Variants in LONP1 observed in about 807,000 individuals in gnomAD.
LONP1 encodes the protein lon protease homolog, mitochondrial.
In LONP1, 31 loss-of-function variants were observed where a neutral mutation model predicts 98.5. The ratio of observed to expected loss-of-function variants is 0.31; its 90% CI spans 0.24 to 0.42. LONP1 has a LOEUF of 0.42. Ranked by LOEUF, LONP1 falls within the 20% of genes least tolerant of loss-of-function variation. The pLI is 1.00. For synonymous variants in LONP1, 781 were observed against 594.7 expected (o/e 1.31, Z -4.56); for missense variants, 1,336 against 1,350.6 (o/e 0.99, Z 0.17).
At chr19:5,716,449 G>A (rs2055324981) in intron 1 of LONP1, among the ~76,000 whole-genome samples, 2 of 150,836 alleles carry the variant, frequency 1.3e-5, no homozygotes, top group Admixed American at 6.6e-5. Context: ...ACATGATGCC[G>A]ATGCTGCTGG....
rs773964490 is a variant in LONP1 at position 5,694,477 on chromosome 19, C to A, written c.2230G>T (p.Asp744Tyr). The stretch of plus-strand genomic sequence containing the variant: ...GTGAACACGGGCTTCCCCACGAAGT[C>A]CTGCAGGTTCTCGGGCGTCACCTCC... ...SVEVTPENLQ[D>Y]FVGKPVFTVE... is the part of the protein sequence containing the mutation. The change falls in exon 15 of 18, where the codon GAC (aspartate) becomes TAC (tyrosine). Residue 744 changes from aspartate (D) to tyrosine (Y), a missense_variant. Asp to Tyr is a radical substitution (Grantham distance 160). Around this residue, in one of 5 missense-constraint regions of LONP1, gnomAD observed 555 missense variants for 542.6 expected, o/e 1.02. Coordinates refer to ENST00000360614, the MANE Select transcript of LONP1 (RefSeq NM_004793.4). The A allele has an allele frequency of 6.2e-7, 1 of 1,613,454 alleles. No individual in the cohort carries two copies. The highest frequency in any genetic ancestry group is 2.2e-5 in the East Asian group (1 of 44,886).
Position 5,696,666 on chromosome 19 carries a change from G to A in LONP1, c.1773+4C>T, listed in dbSNP as rs370718882. On this transcript the variant is annotated splice_donor_region_variant and intron_variant, in intron 11 of 17. Transcript: ENST00000360614. ...AGGGGGTCTCCGGGCCTCTCCGCAC[G>A]CACCTCGTCGATGAGGATCAGGGGG... 1.1e-5 allele frequency: 17 copies of A among 1,612,622 alleles called. No homozygotes were observed. Among genetic ancestry groups the A allele is most frequent in the Middle Eastern group, 1.6e-4 (1 of 6,082 alleles).
At chr19:5,711,432 G>A (rs2055235192) in intron 4 of LONP1, among the ~76,000 whole-genome samples, 1 of 152,202 alleles carries the variant, frequency 6.6e-6, no homozygotes, top group African/African-American at 2.4e-5. Flanking sequence ...TCCCAGGCTT[G>A]GTGGGAAGAA....
chr19:5,700,720 A>AC, intron 9 of LONP1, 69 bp downstream of exon 9: 1 of 1,587,610 alleles, frequency 6.3e-7, no homozygotes, highest in Non-Finnish European at 8.6e-7. Context: ...ATCTCAACCC[A>AC]CAGCACACAA....
chr19:5,693,321 C>G lies in LONP1; in HGVS notation c.2680G>C (p.Gly894Arg). ...SLTGKILPVG[G>R]IKEKTIAAKR... Reference sequence around the variant, plus strand: ...ACCGCAATGGTCTTCTCCTTGATGCCACCAACAGGCAGGATCTTGCCCGTG... The same window carrying G: ...ACCGCAATGGTCTTCTCCTTGATGCGACCAACAGGCAGGATCTTGCCCGTG... The change falls in exon 17 of 18, where the codon GGC becomes CGC. Residue 894 changes from glycine (G) to arginine (R), a missense_variant. Around this residue, in one of 5 missense-constraint regions of LONP1, gnomAD observed 555 missense variants for 542.6 expected, o/e 1.02. Transcript: ENST00000360614. The G allele has an allele frequency of 6.2e-7, 1 of 1,612,668 alleles. No homozygotes were observed.
intron 10 of LONP1, among the ~76,000 whole-genome samples, chr19:5,698,328 G>A (rs1220744975): frequency 1.3e-5 from 2 of 152,212 alleles, no homozygotes; most frequent in Non-Finnish European, 1.5e-5. Context: ...TGCCTTGCAG[G>A]ATGGAAACAC....
chr19:5,713,337 GA>G (rs1318910706), intron 2 of LONP1, 84 bp from the exon 3 acceptor site: 24 of 1,214,920 alleles, frequency 2.0e-5, no homozygotes, highest in Non-Finnish European at 2.7e-5. Flanking sequence ...AGGAGGGAGA[GA>G]AAAGAAACGC....
At chr19:5,700,647 T>A in intron 9 of LONP1, 142 bp downstream of exon 9, 1 of 1,173,622 alleles carries the variant, frequency 8.5e-7, no homozygotes. Flanking sequence ...GGATGCTACC[T>A]CCGCCGGGAT....
intron 8 of LONP1, among the ~76,000 whole-genome samples, chr19:5,703,589 C>T (rs1250534651): frequency 1.3e-5 from 2 of 151,762 alleles, no homozygotes; most frequent in Middle Eastern, 3.2e-3. Flanking sequence ...GGCGGCCCCA[C>T]GAGCAGACAC....
intron 8 of LONP1, among the ~76,000 whole-genome samples, 163 bp from the exon 9 acceptor site, chr19:5,701,090 G>C (rs1238822021): frequency 6.6e-6 from 1 of 152,178 alleles, no homozygotes; most frequent in Non-Finnish European, 1.5e-5. Flanking sequence ...CAGGTGGGAG[G>C]ATCACTTGAG....
Position 5,693,400 on chromosome 19 carries a change from C to G in LONP1, c.2601G>C (p.Leu867=). The change falls in exon 17 of 18, where the codon CTG becomes CTC. Residue 867 remains leucine, a synonymous_variant. Coordinates refer to ENST00000360614, the MANE Select transcript of LONP1 (RefSeq NM_004793.4). ...TCTGCCGGACAGGCCTGCCCATGGCCAGGGACAGCAGGGCCGTGACGATGG... is the reference window on the plus strand; with the variant it reads ...TCTGCCGGACAGGCCTGCCCATGGCGAGGGACAGCAGGGCCGTGACGATGG... ...GCTIVTALLS[L]AMGRPVRQNL... is the part of the protein sequence containing the mutation. The G allele has an allele frequency of 6.2e-7, 1 of 1,613,000 alleles. No homozygotes were observed. Among genetic ancestry groups the G allele is most frequent in the South Asian group, 1.1e-5 (1 of 91,078 alleles).
At chr19:5,710,943 T>C (rs2145621655) in intron 4 of LONP1, among the ~76,000 whole-genome samples, 2 of 152,182 alleles carry the variant, frequency 1.3e-5, no homozygotes, top group Middle Eastern at 6.8e-3. Flanking sequence ...TGAGAATCAC[T>C]TGAACCTGGG....
chr19:5,700,445 C>T (rs2055019455), intron 9 of LONP1, among the ~76,000 whole-genome samples: 1 of 152,084 alleles, frequency 6.6e-6, no homozygotes, highest in Non-Finnish European at 1.5e-5. Context: ...AGATGGGGGT[C>T]TCACTCTGTC....
intron 1 of LONP1, among the ~76,000 whole-genome samples, chr19:5,718,890 A>G (rs1235666376): frequency 6.6e-6 from 1 of 152,152 alleles, no homozygotes; most frequent in Non-Finnish European, 1.5e-5. Flanking sequence ...CAGTATTCTC[A>G]GAACTTGCTA....
intron 6 of LONP1, 70 bp downstream of exon 6, chr19:5,707,627 G>A: frequency 1.3e-6 from 2 of 1,546,636 alleles, no homozygotes; most frequent in South Asian, 2.4e-5. Flanking sequence ...GGGCAGCCGG[G>A]CGTGGGCGGA....
chr19:5,716,489 T>C (rs1599482826), intron 1 of LONP1, among the ~76,000 whole-genome samples: 1 of 150,862 alleles, frequency 6.6e-6, no homozygotes, highest in Admixed American at 6.6e-5. Context: ...AGCCAGTGTT[T>C]TGACTCACTC....
In LONP1 at chr19:5,720,099, C is replaced by T; in HGVS notation, c.34G>A (p.Gly12Arg). The stretch of plus-strand genomic sequence containing the variant: ...CGCAGCACCCAGCACCGCGCCGCTC[C>T]CCACAGTCGCACGTAGCCAGTGCTC... ...AASTGYVRLW[G>R]AARCWVLRRP... Residue 12 changes from glycine (G) to arginine (R), a missense_variant, in exon 1 of 18, where the codon GGA becomes AGA. Coordinates refer to ENST00000360614, the MANE Select transcript of LONP1 (RefSeq NM_004793.4). The T allele has an allele frequency of 6.8e-7, 1 of 1,474,214 alleles. No individual in the cohort carries two copies. The highest frequency in any genetic ancestry group is 8.9e-7 in the Non-Finnish European group (1 of 1,123,610). 91.3% of individuals were successfully genotyped at this position (1,474,214 alleles called of 1,614,324 possible).
chr19:5,705,218 A>G (rs1410213890), intron 8 of LONP1, among the ~76,000 whole-genome samples: 1 of 151,736 alleles, frequency 6.6e-6, no homozygotes, highest in African/African-American at 2.4e-5. Context: ...GCACTTTGGC[A>G]GGTCAAGGCA....
chr19:5,699,657 A>C (rs1322375238), intron 9 of LONP1, among the ~76,000 whole-genome samples: 1 of 148,912 alleles, frequency 6.7e-6, no homozygotes, highest in Non-Finnish European at 1.5e-5. Context: ...TCCTGGGTTC[A>C]AGCAATTCTC....
Sources: allele counts gnomAD v4.1 joint callset (sites outside exome capture counted in the v4.1 genomes callset), GRCh38; gene constraint gnomAD v4.1.1; regional missense constraint gnomAD v4.1.1; transcripts MANE v1.5; gene names NCBI Gene and HGNC (gene_info 2026-07-23, HGNC 2026-07-21).